Variants in ADCY8 observed in about 807,000 individuals in gnomAD.
ADCY8 encodes the protein adenylate cyclase 8, also known as adenylate cyclase type 8.
A neutral mutation model predicts 119.7 loss-of-function variants in ADCY8; 51 were observed. The observed-to-expected ratio is 0.43, with a 90% CI of 0.34 to 0.54. The LOEUF (loss-of-function observed/expected upper bound fraction) is 0.54, where lower values mean the gene tolerates loss of function less well. Among genes scored for constraint, ADCY8 ranks in the 20% least tolerant of loss-of-function variants. The pLI is 0.03. For synonymous variants in ADCY8, 665 were observed against 651.0 expected (o/e 1.02, Z -0.33); for missense variants, 1,383 against 1,598.8 (o/e 0.87, Z 2.30).
chr8:130,926,296 C>T lies in ADCY8; in HGVS notation c.1481+10777G>A, dbSNP rs190847284. On this transcript the variant is annotated intron_variant, in intron 5 of 17. Coordinates refer to ENST00000286355, the MANE Select transcript of ADCY8 (RefSeq NM_001115.3). ...CAGCTAGCATGACTCATTGTTCAAG[C>T]CTTTGTTTCCAGGAAAAAAAAAAAA... 4.0e-5 allele frequency among the ~76,000 whole-genome samples: 6 copies of T among 148,938 alleles called. No homozygotes were observed. The East Asian group carries it at 1.2e-3, about 29-fold the overall frequency.
intron 5 of ADCY8, among the ~76,000 whole-genome samples, chr8:130,911,556 TA>T (rs1819980783): frequency 6.6e-6 from 1 of 151,724 alleles, no homozygotes; most frequent in African/African-American, 2.4e-5. Context: ...TGCTCTCTAA[TA>T]AATGGTGAAA....
At chr8:131,016,497 C>A (rs1006857660) in intron 1 of ADCY8, among the ~76,000 whole-genome samples, 2 of 152,104 alleles carry the variant, frequency 1.3e-5, no homozygotes, top group Non-Finnish European at 2.9e-5. Context: ...AATCGAGACC[C>A]CATCTCTCTC....
chr8:130,965,737 C>T (rs1821742903), intron 2 of ADCY8, among the ~76,000 whole-genome samples: 1 of 152,036 alleles, frequency 6.6e-6, no homozygotes, highest in South Asian at 2.1e-4. Flanking sequence ...AATGGCTCAG[C>T]ATTATTTCAA....
At chr8:130,914,271 C>T (rs959918553) in intron 5 of ADCY8, among the ~76,000 whole-genome samples, 6 of 152,040 alleles carry the variant, frequency 3.9e-5, no homozygotes, top group East Asian at 1.9e-4. Flanking sequence ...TTGTGAGCCC[C>T]GAAGGATATA....
rs769799070 is a variant in ADCY8, at chr8:130,990,518, T to C, written c.985A>G (p.Met329Val). The C allele has an allele frequency of 6.2e-7, 1 of 1,614,150 alleles. No individual in the cohort carries two copies. Among genetic ancestry groups the C allele is most frequent in the Non-Finnish European group, 8.5e-7 (1 of 1,180,000 alleles). ...NQVVAQAVLF[M>V]CMNTAGIFIS... ...AAGATTCCAGCTGTGTTCATACACA[T>C]GAATAGCACTGCCTGGGCCACAACC... is the stretch of plus-strand genomic sequence containing the variant. The change falls in exon 2 of 18, where the codon ATG (methionine) becomes GTG (valine). Residue 329 changes from methionine to valine, a missense_variant. This residue lies in a region of ADCY8 where 928 missense variants were observed against 1,163.5 expected (regional missense o/e 0.80). Coordinates refer to ENST00000286355, the MANE Select transcript of ADCY8 (RefSeq NM_001115.3).
chr8:130,942,744 T>C (rs1820993518), intron 4 of ADCY8, among the ~76,000 whole-genome samples: 1 of 152,182 alleles, frequency 6.6e-6, no homozygotes, highest in Non-Finnish European at 1.5e-5. Flanking sequence ...AGCGTGATAA[T>C]GATATTACTT....
intron 15 of ADCY8, among the ~76,000 whole-genome samples, chr8:130,790,463 G>C (rs1253226732): frequency 6.6e-6 from 1 of 152,172 alleles, no homozygotes; most frequent in South Asian, 2.1e-4. Context: ...GCATGTCAAA[G>C]TTCGCTCCGT....
chr8:130,997,248 TA>T (rs1822806927), intron 1 of ADCY8, among the ~76,000 whole-genome samples: 1 of 151,460 alleles, frequency 6.6e-6, no homozygotes, highest in Admixed American at 6.6e-5. Flanking sequence ...CATATACATA[TA>T]TACATATACA....
chr8:130,930,099 T>C (rs1183730007), intron 5 of ADCY8, among the ~76,000 whole-genome samples: 1 of 152,182 alleles, frequency 6.6e-6, no homozygotes, highest in Non-Finnish European at 1.5e-5. Flanking sequence ...TCTACATTTT[T>C]TGATTCTAGA....
intron 12 of ADCY8, among the ~76,000 whole-genome samples, chr8:130,822,728 A>G (rs1816557576): frequency 1.3e-5 from 2 of 152,280 alleles, no homozygotes; most frequent in South Asian, 4.1e-4. Flanking sequence ...AAGATTAAAG[A>G]CATGAGGTTT....
At chr8:130,935,850 AT>A in intron 5 of ADCY8, among the ~76,000 whole-genome samples, 1 of 152,294 alleles carries the variant, frequency 6.6e-6, no homozygotes, top group East Asian at 1.9e-4. Context: ...GGAAAACTTC[AT>A]GTGAAAAGTT....
intron 2 of ADCY8, among the ~76,000 whole-genome samples, chr8:130,987,647 T>C (rs1417394171): frequency 6.6e-6 from 1 of 152,202 alleles, no homozygotes; most frequent in Non-Finnish European, 1.5e-5. Flanking sequence ...GTATCTGCTG[T>C]CGCTTAGGTT....
At chr8:131,014,116 T>C (rs766575344) in intron 1 of ADCY8, among the ~76,000 whole-genome samples, 3 of 152,308 alleles carry the variant, frequency 2.0e-5, no homozygotes, top group East Asian at 1.9e-4. Flanking sequence ...TTTTCTCTGA[T>C]GAGTATAGAG....
intron 8 of ADCY8, among the ~76,000 whole-genome samples, chr8:130,878,127 G>A (rs1251543298): frequency 2.0e-5 from 3 of 152,144 alleles, no homozygotes; most frequent in African/African-American, 7.2e-5. Context: ...ATGAGATCAA[G>A]CCCCTTGCTT....
chr8:130,984,737 T>G (rs1822344744), intron 2 of ADCY8, among the ~76,000 whole-genome samples: 1 of 152,166 alleles, frequency 6.6e-6, no homozygotes, highest in Admixed American at 6.5e-5. Flanking sequence ...CCATGGTTGA[T>G]GTGAAAGGAT....
chr8:130,863,959 A>G (rs1818030467), intron 9 of ADCY8, among the ~76,000 whole-genome samples: 1 of 152,158 alleles, frequency 6.6e-6, no homozygotes, highest in South Asian at 2.1e-4. Flanking sequence ...TCTAATCTAC[A>G]TTATTTTCCT....
At chr8:130,976,091 T>C (rs941938924) in intron 2 of ADCY8, among the ~76,000 whole-genome samples, 1 of 152,320 alleles carries the variant, frequency 6.6e-6, no homozygotes, top group Middle Eastern at 3.4e-3. Flanking sequence ...ATTGTAAGTT[T>C]CCTCACCACC....
At chr8:131,010,297 C>T (rs1213710189) in intron 1 of ADCY8, among the ~76,000 whole-genome samples, 2 of 152,182 alleles carry the variant, frequency 1.3e-5, no homozygotes, top group Admixed American at 1.3e-4. Context: ...TGGGGAGATG[C>T]TGCTTCTAGG....
At chr8:130,956,588 C>T (rs545447165) in intron 2 of ADCY8, among the ~76,000 whole-genome samples, 20 of 152,302 alleles carry the variant, frequency 1.3e-4, no homozygotes, top group East Asian at 9.6e-4. Flanking sequence ...TTGGTAAACT[C>T]GGAGCTCTTT....
Sources: allele counts gnomAD v4.1 joint callset (sites outside exome capture counted in the v4.1 genomes callset), GRCh38; gene constraint gnomAD v4.1.1; regional missense constraint gnomAD v4.1.1; transcripts MANE v1.5; gene names NCBI Gene and HGNC (gene_info 2026-07-23, HGNC 2026-07-21).